The following LARGE1 variants were observed in gnomAD, a reference collection of about 807,000 sequenced individuals.
LARGE1 encodes xylosyl- and glucuronyltransferase LARGE1.
In LARGE1, 43 loss-of-function variants were observed where a neutral mutation model predicts 87.6. That is an observed-to-expected ratio of 0.49 (90% CI 0.38 to 0.63). The LOEUF (loss-of-function observed/expected upper bound fraction) is 0.63, where lower values mean the gene tolerates loss of function less well. Among genes scored for constraint, LARGE1 ranks in the 30% least tolerant of loss-of-function variants. The pLI is 0.00. For missense variants in LARGE1, 802 were observed against 1,000.2 expected (o/e 0.80, Z 2.67); for synonymous variants, 434 against 394.6 (o/e 1.10, Z -1.18).
chr22:33,335,567 T>C (rs1358006446), intron 10 of LARGE1, among the ~76,000 whole-genome samples: 3 of 152,128 alleles, frequency 2.0e-5, no homozygotes, highest in South Asian at 2.1e-4. Flanking sequence ...AAAATAACTA[T>C]AAAAACAGCA....
At chr22:33,435,282 G>A (rs539569134) in intron 6 of LARGE1, among the ~76,000 whole-genome samples, 3 of 152,246 alleles carry the variant, frequency 2.0e-5, no homozygotes, top group East Asian at 1.9e-4. Context: ...GATTACAGGC[G>A]TGAGCCACCA....
chr22:33,257,452 C>CAA (rs370143975), intron 11 of LARGE1, among the ~76,000 whole-genome samples: 4 of 127,566 alleles, frequency 3.1e-5, no homozygotes, highest in African/African-American at 1.3e-4. Context: ...AAAACAAAAA[C>CAA]AAAAACAAAA....
At chr22:33,776,647 T>C (rs532658739) in intron 1 of LARGE1, among the ~76,000 whole-genome samples, 84 of 152,312 alleles carry the variant, frequency 5.5e-4, no homozygotes, top group African/African-American at 2.0e-3. Context: ...AGGCCTCACA[T>C]TTTCATTCTG....
chr22:33,703,209 G>A (rs1280248901), intron 2 of LARGE1, among the ~76,000 whole-genome samples: 2 of 152,072 alleles, frequency 1.3e-5, no homozygotes, highest in African/African-American at 2.4e-5. Context: ...GAGGAAAAGC[G>A]GAGGGAGAGC....
chr22:33,756,877 G>A (rs76561554), intron 2 of LARGE1, among the ~76,000 whole-genome samples: 5,254 of 152,270 alleles, frequency 0.035, 131 homozygotes, highest in Non-Finnish European at 0.054. Flanking sequence ...CTACAAGGCC[G>A]AGCTTAGACT....
chr22:33,801,807 C>A (rs952067988), intron 1 of LARGE1, among the ~76,000 whole-genome samples: 26 of 151,922 alleles, frequency 1.7e-4, no homozygotes, highest in African/African-American at 5.8e-4. Flanking sequence ...TACCTGATAC[C>A]CCCCGCTTCC....
At chr22:33,519,701 A>G (rs2071479339) in intron 6 of LARGE1, among the ~76,000 whole-genome samples, 1 of 152,200 alleles carries the variant, frequency 6.6e-6, no homozygotes, top group African/African-American at 2.4e-5. Flanking sequence ...TTTAACCAAA[A>G]GAGGAAACAT....
rs571082826 is a variant in LARGE1, at chr22:33,435,663, TA to T, written c.788-3399del. Reference sequence around the variant, plus strand: ...CAGCACCCACTTGGGGTGCTCTACATAAGGCTTAAACTCAAGGTCTTCATCT... The same window carrying T: ...CAGCACCCACTTGGGGTGCTCTACATAGGCTTAAACTCAAGGTCTTCATCT... On this transcript the variant is annotated intron_variant, in intron 6 of 14. Transcript: ENST00000397394. Among the ~76,000 whole-genome samples, 101 of 152,232 alleles carry T rather than the reference TA, an allele frequency of 6.6e-4. 1 individual carries two copies. The highest frequency in any genetic ancestry group is 3.4e-3 in the Middle Eastern group (1 of 294).
chr22:33,541,891 A>G (rs1010880943), intron 6 of LARGE1, among the ~76,000 whole-genome samples: 2 of 152,140 alleles, frequency 1.3e-5, no homozygotes, highest in African/African-American at 4.8e-5. Flanking sequence ...GGCTGGGTGC[A>G]GTGGCTCATG....
intron 1 of LARGE1, among the ~76,000 whole-genome samples, chr22:33,824,309 C>A (rs1040054003): frequency 3.9e-5 from 6 of 152,146 alleles, no homozygotes; most frequent in Non-Finnish European, 5.9e-5. Flanking sequence ...GCTGGGAAGC[C>A]TCAGGAAACT....
intron 5 of LARGE1, among the ~76,000 whole-genome samples, chr22:33,602,301 T>C (rs1192830706): frequency 6.6e-6 from 1 of 152,190 alleles, no homozygotes; most frequent in Non-Finnish European, 1.5e-5. Flanking sequence ...TTTTCCGTTT[T>C]TTTTTCTTTT....
chr22:33,406,804 T>C (rs2066115782), intron 7 of LARGE1, among the ~76,000 whole-genome samples: 1 of 152,180 alleles, frequency 6.6e-6, no homozygotes, highest in Non-Finnish European at 1.5e-5. Context: ...TATTTATTTA[T>C]TTTTTGAGAA....
chr22:33,785,637 A>G (rs1428202654), intron 1 of LARGE1, among the ~76,000 whole-genome samples: 2 of 152,218 alleles, frequency 1.3e-5, no homozygotes, highest in Non-Finnish European at 2.9e-5. Flanking sequence ...TCACAGGGCC[A>G]ACTGGAGGGG....
At chr22:33,226,322 G>A (rs928487901) in intron 11 of LARGE1, among the ~76,000 whole-genome samples, 3 of 152,154 alleles carry the variant, frequency 2.0e-5, no homozygotes, top group African/African-American at 4.8e-5. Context: ...TTTCTCCACC[G>A]TAGTAGAACC....
intron 1 of LARGE1, among the ~76,000 whole-genome samples, chr22:33,871,794 A>C (rs2064291818): frequency 1.3e-5 from 2 of 152,130 alleles, no homozygotes; most frequent in African/African-American, 4.8e-5. Context: ...TACAGAACAA[A>C]TGGCAATATT....
intron 1 of LARGE1, among the ~76,000 whole-genome samples, chr22:33,812,196 CA>C: frequency 6.6e-6 from 1 of 152,310 alleles, no homozygotes; most frequent in Middle Eastern, 3.4e-3. Flanking sequence ...GCTAAGGTTC[CA>C]GGAGCACATG....
intron 12 of LARGE1, among the ~76,000 whole-genome samples, chr22:33,298,440 G>A (rs1037051644): frequency 2.0e-5 from 3 of 152,180 alleles, no homozygotes; most frequent in Non-Finnish European, 4.4e-5. Context: ...TGGGGAAGAG[G>A]AAAAAGCAGT....
intron 11 of LARGE1, among the ~76,000 whole-genome samples, chr22:33,236,766 C>G (rs1319354667): frequency 6.6e-6 from 1 of 152,114 alleles, no homozygotes; most frequent in African/African-American, 2.4e-5. Flanking sequence ...CCAGTCTAGC[C>G]CAAACCTACC....
At chr22:33,503,933 T>A (rs2148392422) in intron 6 of LARGE1, among the ~76,000 whole-genome samples, 1 of 152,320 alleles carries the variant, frequency 6.6e-6, no homozygotes, top group Non-Finnish European at 1.5e-5. Flanking sequence ...CCATGGAATA[T>A]TATTGTGGCA....
Sources: gnomAD v4.1 joint callset for allele counts (sites outside exome capture counted in the v4.1 genomes callset) on GRCh38, gnomAD v4.1.1 for gene constraint, MANE v1.5 for transcripts, NCBI Gene and HGNC (gene_info 2026-07-23, HGNC 2026-07-21) for gene names.